The following ACAN variants were observed in gnomAD, a reference collection of about 807,000 sequenced individuals.
ACAN encodes aggrecan core protein.
Under a neutral mutation model 169.1 loss-of-function variants are expected in ACAN, and 47 were observed. That is an observed-to-expected ratio of 0.28 (90% confidence interval 0.22 to 0.35). The LOEUF is 0.35. ACAN is among the 10% of genes least tolerant of loss of function. The probability of loss-of-function intolerance (pLI) is 1.00; values close to 1 mark genes in which losing one functional copy is unlikely to be tolerated. For synonymous variants in ACAN, 1,115 were observed against 1,112.2 expected, an observed-to-expected ratio of 1.00 and a Z score of -0.05; for missense variants, 2,716 against 2,759.9, an observed-to-expected ratio of 0.98 and a Z score of 0.36.
At chr15:88,835,223 C>G (rs1445367117) in intron 1 of ACAN, among the ~76,000 whole-genome samples, 1 of 152,100 alleles carries the variant, frequency 6.6e-6, no homozygotes, top group Non-Finnish European at 1.5e-5. Flanking sequence ...GGAGGCTAGT[C>G]CATTCTAAAA....
chr15:88,823,188 C>T (rs1055561892), intron 1 of ACAN, among the ~76,000 whole-genome samples: 7 of 152,294 alleles, frequency 4.6e-5, no homozygotes, highest in Non-Finnish European at 7.4e-5. Flanking sequence ...GCAGTCAGCG[C>T]CAAGTAAAGG....
chr15:88,863,946 A>G (rs1438335246), intron 13 of ACAN, among the ~76,000 whole-genome samples: 1 of 152,210 alleles, frequency 6.6e-6, no homozygotes, highest in Admixed American at 6.5e-5. Flanking sequence ...CCGAGGCAGG[A>G]GGATCACTTG....
intron 1 of ACAN, among the ~76,000 whole-genome samples, chr15:88,832,288 C>G (rs958694203): frequency 6.7e-6 from 1 of 148,688 alleles, no homozygotes; most frequent in Non-Finnish European, 1.5e-5. Flanking sequence ...TACAGAAAAA[C>G]ACAAGTAGAT....
rs200412974 is a variant in ACAN, at chr15:88,849,587, G to A, written c.1882G>A (p.Ala628Thr). The A allele has an allele frequency of 6.3e-3, 10,068 of 1,607,600 alleles. 625 individuals are homozygous for A. The South Asian group carries it at 0.098, about 16-fold the overall frequency. ...GLDKCYAGWL[A>T]DGSLRYPIVT... ...GGACAAGTGCTATGCCGGCTGGCTGGCCGACGGCAGCCTCCGCTACCCCAT... is the reference window on the plus strand; with the variant it reads ...GGACAAGTGCTATGCCGGCTGGCTGACCGACGGCAGCCTCCGCTACCCCAT... Residue 628 changes from alanine to threonine, a missense_variant, in exon 10 of 19, where the codon GCC becomes ACC. Physicochemically the swap from Ala to Thr is moderately conservative, Grantham distance 58 (BLOSUM62 0). Around this residue, in one of 3 missense-constraint regions of ACAN, gnomAD observed 1,283 missense variants for 1,281.5 expected, o/e 1.00. Transcript: ENST00000560601. The surrounding 1 kb of genome is among the most constrained non-coding windows in gnomAD (Gnocchi z 5.1).
chr15:88,829,435 T>A (rs4932433), intron 1 of ACAN, among the ~76,000 whole-genome samples: 96,171 of 151,954 alleles, frequency 0.63, 30,819 homozygotes, highest in Middle Eastern at 0.73. Context: ...GTTTAGAATA[T>A]GTGGGAAGTT....
At position 88,854,882 on chromosome 15, in the gene ACAN, C is replaced by T. The variant is rs1348376177; in HGVS notation, c.2297C>T (p.Ala766Val). 6.6e-7 allele frequency: 1 copy of T among 1,515,710 alleles called. No homozygotes were observed. The allele number at this position is 1,515,710 out of a possible 1,614,324, so 93.9% of individuals were successfully genotyped here. The change falls in exon 12 of 19, where the codon GCA becomes GTA. Residue 766 changes from alanine to valine, a missense_variant. Physicochemically the swap from Ala to Val is moderately conservative, Grantham distance 64 (BLOSUM62 0). Coordinates refer to ENST00000560601, the MANE Select transcript of ACAN (RefSeq NM_001369268.1). ...CTTCCTACTTGGCCTCCCACTGGCG[C>T]AGCAACAGAGGAAAGTACAGAAGGC... ...GILPTWPPTG[A>V]ATEESTEGPS... is the part of the protein sequence containing the mutation.
At position 88,839,021 on chromosome 15, in the gene ACAN, G is replaced by GGACAGCGAA. The variant is rs1368122349; in HGVS notation, c.430_431insACAGCGAAG (p.Asp141_Glu143dup). ...TGATGCATGGCATCGAGGACAGCGAGGCCACCCTGGAAGTCGTGGTGAAAG... is the reference window on the plus strand; with the variant it reads ...TGATGCATGGCATCGAGGACAGCGAGGACAGCGAAGCCACCCTGGAAGTCGTGGTGAAAG... On this transcript the variant is annotated inframe_insertion, in exon 3 of 19. Coordinates refer to ENST00000560601, the MANE Select transcript of ACAN (RefSeq NM_001369268.1). This position sits in a 1 kb window ranked among gnomAD's most constrained non-coding sequence, Gnocchi z 4.5. The GGACAGCGAA allele has an allele frequency of 6.2e-7, 1 of 1,605,838 alleles. No homozygotes were observed. Among genetic ancestry groups the GGACAGCGAA allele is most frequent in the Non-Finnish European group, 8.5e-7 (1 of 1,179,804 alleles).
chr15:88,821,190 A>AT lies in ACAN; in HGVS notation c.-7-15009dup, dbSNP rs1850728212. ...ATTTGGGTGGAGACACAGCCAAACT[A>AT]TATCAGTGGCACAACCAGGGTTCAC... On this transcript the variant is annotated intron_variant, in intron 1 of 18. Coordinates refer to ENST00000560601, the MANE Select transcript of ACAN (RefSeq NM_001369268.1). Among the ~76,000 whole-genome samples, 4 of 152,280 alleles carry AT rather than the reference A, an allele frequency of 2.6e-5. No individual in the cohort carries two copies. In the South Asian group the frequency reaches 8.3e-4, roughly 32 times the overall value.
intron 1 of ACAN, among the ~76,000 whole-genome samples, chr15:88,805,286 A>G (rs1895650208): frequency 6.6e-6 from 1 of 152,152 alleles, no homozygotes; most frequent in African/African-American, 2.4e-5. Flanking sequence ...GAGAAACTGC[A>G]GGAAATGGAA....
chr15:88,842,279 C>G, intron 5 of ACAN, among the ~76,000 whole-genome samples: 1 of 152,176 alleles, frequency 6.6e-6, no homozygotes, highest in East Asian at 1.9e-4. Flanking sequence ...CCCAGGGCAG[C>G]TGGCCACCCA....
In ACAN at chr15:88,814,788, C is replaced by T. The variant is rs1413027151; in HGVS notation, c.-8+10979C>T. ...CTCTTCAGGTGTCATAGCTGCTAGC[C>T]AGCATGTCCATGCTATCAGGAAGCT... On this transcript the variant is annotated intron_variant, in intron 1 of 18. Transcript: ENST00000560601. The surrounding 1 kb of genome is among the most constrained non-coding windows in gnomAD (Gnocchi z 4.0). Among the ~76,000 whole-genome samples, 1 of 152,218 alleles carries T rather than the reference C, an allele frequency of 6.6e-6. No individual in the cohort carries two copies. Among genetic ancestry groups the T allele is most frequent in the Non-Finnish European group, 1.5e-5 (1 of 68,044 alleles).
chr15:88,824,602 G>C lies in ACAN; in HGVS notation c.-7-11598G>C, dbSNP rs554903481. On this transcript the variant is annotated intron_variant, in intron 1 of 18. Coordinates refer to ENST00000560601, the MANE Select transcript of ACAN (RefSeq NM_001369268.1). ...CAAATAATAATGATGCTATCGGCCA[G>C]GTGTGGTGGCTCATGCCTATAATCC... Among the ~76,000 whole-genome samples, 42 of 152,328 alleles carry C rather than the reference G, an allele frequency of 2.8e-4. No individual in the cohort carries two copies. In the East Asian group the frequency reaches 7.9e-3, roughly 29 times the overall value.
chr15:88,860,789 T>C (rs934831469), intron 13 of ACAN, among the ~76,000 whole-genome samples: 4 of 152,160 alleles, frequency 2.6e-5, no homozygotes, highest in African/African-American at 9.7e-5. Flanking sequence ...GGGTCACACC[T>C]CTCCGCTCCT....
Position 88,871,287 on chromosome 15 carries a change from G to A in ACAN, c.7061-95G>A. On this transcript the variant is annotated intron_variant, in intron 14 of 18. Transcript: ENST00000560601. This position sits in a 1 kb window ranked among gnomAD's most constrained non-coding sequence, Gnocchi z 7.8. ...CCTTGAGGGCACAGCATGGAAGGTG[G>A]GGTGAACGCAGGAACCTATGCCATA... The A allele has an allele frequency of 6.5e-7, 1 of 1,534,600 alleles. No homozygotes were observed. The highest frequency in any genetic ancestry group is 1.2e-5 in the South Asian group (1 of 85,894).
At chr15:88,805,743 G>A (rs1895663662) in intron 1 of ACAN, among the ~76,000 whole-genome samples, 1 of 152,144 alleles carries the variant, frequency 6.6e-6, no homozygotes, top group African/African-American at 2.4e-5. Context: ...CTTAATTCTA[G>A]TAGTAAATGA....
chr15:88,828,380 C>T (rs908420016), intron 1 of ACAN, among the ~76,000 whole-genome samples: 14 of 152,008 alleles, frequency 9.2e-5, no homozygotes, highest in African/African-American at 2.9e-4. Context: ...TGTCATTTCT[C>T]GGTTTCTTAT....
chr15:88,813,995 C>A (rs896070610), intron 1 of ACAN, among the ~76,000 whole-genome samples: 3 of 152,212 alleles, frequency 2.0e-5, no homozygotes, highest in African/African-American at 7.2e-5. Flanking sequence ...CATATTTATT[C>A]CTAGTTCCCC....
intron 1 of ACAN, among the ~76,000 whole-genome samples, chr15:88,813,206 C>G (rs1412680782): frequency 6.6e-6 from 1 of 152,200 alleles, no homozygotes; most frequent in Non-Finnish European, 1.5e-5. Flanking sequence ...AACTTCAGAG[C>G]TTTTCAAACC....
rs1170152524 is a variant in ACAN, at chr15:88,872,648, A to T, written c.7303-233A>T. ...GTCTTGGGGGTTCTGAGCTCCTGAG[A>T]AGGACCTGAGCCAAGCTGTGTGACT... On this transcript the variant is annotated intron_variant, in intron 16 of 18. Coordinates refer to ENST00000560601, the MANE Select transcript of ACAN (RefSeq NM_001369268.1). This position sits in a 1 kb window ranked among gnomAD's most constrained non-coding sequence, Gnocchi z 5.4. Among the ~76,000 whole-genome samples, 2 of 152,140 alleles carry T rather than the reference A, an allele frequency of 1.3e-5. No individual in the cohort carries two copies. Among genetic ancestry groups the T allele is most frequent in the Non-Finnish European group, 2.9e-5 (2 of 68,028 alleles).
Sources: gnomAD v4.1 joint callset for allele counts (sites outside exome capture counted in the v4.1 genomes callset) on GRCh38, gnomAD v4.1.1 for gene constraint, gnomAD v4.1.1 regional missense constraint, Gnocchi (gnomAD v3.1) non-coding constraint, MANE v1.5 for transcripts, NCBI Gene and HGNC (gene_info 2026-07-23, HGNC 2026-07-21) for gene names.